The following CTIF variants were observed in gnomAD, a reference collection of about 807,000 sequenced individuals.
CTIF encodes cap binding complex dependent translation initiation factor, also known as CBP80/20-dependent translation initiation factor.
CTIF carries 21 observed loss-of-function variants against 66.0 expected under a neutral mutation model. The ratio of observed to expected loss-of-function variants is 0.32; its 90% confidence interval spans 0.23 to 0.46. The LOEUF (loss-of-function observed/expected upper bound fraction) is 0.46, where lower values mean the gene tolerates loss of function less well. CTIF is among the 20% of genes least tolerant of loss of function. The pLI, the probability that CTIF is intolerant of heterozygous loss-of-function variation, is 1.00. For synonymous variants in CTIF, 345 were observed against 326.4 expected (o/e 1.06, Z -0.62); for missense variants, 739 against 812.7 (o/e 0.91, Z 1.10).
chr18:48,633,375 T>G (rs994223799), intron 2 of CTIF, among the ~76,000 whole-genome samples: 1 of 152,210 alleles, frequency 6.6e-6, no homozygotes, highest in South Asian at 2.1e-4. Context: ...TGTATATACA[T>G]ATACATATGT....
At chr18:48,623,847 G>A (rs1240759699) in intron 2 of CTIF, among the ~76,000 whole-genome samples, 1 of 139,466 alleles carries the variant, frequency 7.2e-6, no homozygotes, top group Non-Finnish European at 1.6e-5. Flanking sequence ...AAGAAATGAA[G>A]GATGGATGGA....
intron 3 of CTIF, among the ~76,000 whole-genome samples, chr18:48,654,529 G>A (rs1277367644): frequency 1.3e-5 from 2 of 152,202 alleles, no homozygotes; most frequent in African/African-American, 2.4e-5. Flanking sequence ...GTTGGTGGGA[G>A]CATAAACTAG....
chr18:48,765,448 G>A (rs1485851574), intron 9 of CTIF, among the ~76,000 whole-genome samples: 2 of 152,190 alleles, frequency 1.3e-5, no homozygotes, highest in Non-Finnish European at 2.9e-5. Context: ...GGTGTGAAGT[G>A]CCTCCTTAGC....
chr18:48,622,806 G>A (rs1253769885), intron 2 of CTIF, among the ~76,000 whole-genome samples: 3 of 152,182 alleles, frequency 2.0e-5, no homozygotes, highest in African/African-American at 2.4e-5. Flanking sequence ...CAGGAGCAGG[G>A]CCTGTGGATG....
intron 9 of CTIF, among the ~76,000 whole-genome samples, chr18:48,797,169 G>T (rs1434092076): frequency 6.6e-6 from 1 of 152,144 alleles, no homozygotes; most frequent in Admixed American, 6.5e-5. Flanking sequence ...ACTTGTCTCA[G>T]TCCTGTTTTT....
intron 9 of CTIF, among the ~76,000 whole-genome samples, chr18:48,797,994 G>T (rs755181675): frequency 6.6e-6 from 1 of 152,162 alleles, no homozygotes; most frequent in East Asian, 1.9e-4. Context: ...ACCACAGTCA[G>T]AGTGTCTCTT....
intron 6 of CTIF, among the ~76,000 whole-genome samples, chr18:48,688,782 T>C (rs1282484362): frequency 6.6e-6 from 1 of 152,224 alleles, no homozygotes; most frequent in Non-Finnish European, 1.5e-5. Flanking sequence ...TAATGTATTC[T>C]AGAATTTCCT....
At chr18:48,693,180 C>T (rs983963390) in intron 6 of CTIF, among the ~76,000 whole-genome samples, 11 of 152,154 alleles carry the variant, frequency 7.2e-5, no homozygotes, top group South Asian at 2.1e-4. Flanking sequence ...GAAATCTACC[C>T]GGTGCCAGCA....
intron 10 of CTIF, among the ~76,000 whole-genome samples, chr18:48,851,594 A>G (rs1299458665): frequency 6.6e-6 from 1 of 152,162 alleles, no homozygotes; most frequent in East Asian, 1.9e-4. Flanking sequence ...TGGCAGGCAC[A>G]GGCAAGGGAC....
chr18:48,789,754 A>C (rs550832775), intron 9 of CTIF, among the ~76,000 whole-genome samples: 1 of 152,364 alleles, frequency 6.6e-6, no homozygotes, highest in African/African-American at 2.4e-5. Context: ...ATCCAAAGGA[A>C]TCTTGAAAAA....
intron 3 of CTIF, among the ~76,000 whole-genome samples, chr18:48,648,062 C>T (rs1054915983): frequency 2.3e-4 from 35 of 152,190 alleles, no homozygotes; most frequent in Admixed American, 6.5e-4. Context: ...TTTGGACAGG[C>T]AGCCAGACAG....
chr18:48,640,842 T>A (rs2090914529), intron 3 of CTIF, among the ~76,000 whole-genome samples: 1 of 152,228 alleles, frequency 6.6e-6, no homozygotes, highest in African/African-American at 2.4e-5. Flanking sequence ...TTTTAGCTAA[T>A]GTCAAAAAGA....
intron 6 of CTIF, among the ~76,000 whole-genome samples, chr18:48,709,999 G>A (rs945735023): frequency 1.3e-5 from 2 of 152,238 alleles, no homozygotes; most frequent in East Asian, 1.9e-4. Context: ...CAAGGTCCCT[G>A]TGTCCTCCTG....
intron 1 of CTIF, among the ~76,000 whole-genome samples, chr18:48,555,697 A>G (rs923991851): frequency 2.6e-5 from 4 of 152,176 alleles, no homozygotes; most frequent in African/African-American, 4.8e-5. Context: ...ACCTTTGCCC[A>G]GTTGCATAGA....
intron 9 of CTIF, among the ~76,000 whole-genome samples, chr18:48,787,581 G>A (rs527574378): frequency 7.9e-5 from 12 of 152,252 alleles, no homozygotes; most frequent in Admixed American, 2.0e-4. Context: ...ACCAGGGACC[G>A]TGACGGGCCC....
chr18:48,646,901 C>A (rs939873873), intron 3 of CTIF, among the ~76,000 whole-genome samples: 793 of 77,918 alleles, frequency 0.01, no homozygotes, highest in South Asian at 0.014. Flanking sequence ...TTGGCAGTTT[C>A]AAAAAAAAAA....
chr18:48,779,760 AG>A (rs1568212769), intron 9 of CTIF, among the ~76,000 whole-genome samples: 1 of 152,200 alleles, frequency 6.6e-6, no homozygotes, highest in Non-Finnish European at 1.5e-5. Context: ...TGTCCTCCCA[AG>A]GGGGACAAGA....
intron 10 of CTIF, among the ~76,000 whole-genome samples, chr18:48,845,691 A>G (rs1204654385): frequency 1.3e-5 from 2 of 152,122 alleles, no homozygotes; most frequent in African/African-American, 4.8e-5. Context: ...TTCCCTGGTC[A>G]TCCCCAAGGA....
chr18:48,626,416 C>T (rs1476563375), intron 2 of CTIF, among the ~76,000 whole-genome samples: 3 of 152,142 alleles, frequency 2.0e-5, no homozygotes, highest in Non-Finnish European at 4.4e-5. Context: ...GGCATGCTCT[C>T]GGCTCACTGC....
Sources: gnomAD v4.1 joint callset for allele counts (sites outside exome capture counted in the v4.1 genomes callset) on GRCh38, gnomAD v4.1.1 for gene constraint, MANE v1.5 for transcripts, NCBI Gene and HGNC (gene_info 2026-07-23, HGNC 2026-07-21) for gene names.